The following NUMB variants were observed in gnomAD, a reference collection of about 807,000 sequenced individuals.
NUMB encodes NUMB endocytic adaptor protein.
Under a neutral mutation model 59.7 loss-of-function variants are expected in NUMB, and 29 were observed. The observed-to-expected ratio is 0.49, with a 90% CI of 0.36 to 0.66. NUMB has a LOEUF of 0.66. NUMB is among the 30% of genes least tolerant of loss of function. NUMB has a pLI of 0.00. For missense variants in NUMB, 723 were observed against 822.0 expected, an observed-to-expected ratio of 0.88 and a Z score of 1.47; for synonymous variants, 288 against 288.2, an observed-to-expected ratio of 1.00 and a Z score of 0.01.
intron 1 of NUMB, among the ~76,000 whole-genome samples, chr14:73,449,317 T>TC (rs1045996647): frequency 1.3e-5 from 2 of 152,172 alleles, no homozygotes; most frequent in East Asian, 1.9e-4. Flanking sequence ...CTGGAATCAA[T>TC]CCCCCACTGA....
intron 3 of NUMB, among the ~76,000 whole-genome samples, chr14:73,366,190 C>T (rs1894335092): frequency 6.6e-6 from 1 of 152,154 alleles, no homozygotes; most frequent in African/African-American, 2.4e-5. Context: ...TCTAGTGGTC[C>T]TATGTATGGC....
intron 2 of NUMB, among the ~76,000 whole-genome samples, chr14:73,376,429 G>A (rs1020726482): frequency 2.0e-5 from 3 of 151,664 alleles, no homozygotes; most frequent in Admixed American, 2.0e-4. Flanking sequence ...TCATGAATAG[G>A]CAGACTCAAT....
At chr14:73,297,462 GA>G in intron 6 of NUMB, 177 bp from the exon 7 acceptor site, 3 of 472,816 alleles carry the variant, frequency 6.3e-6, no homozygotes, top group South Asian at 3.7e-5. Flanking sequence ...AAACATTCAG[GA>G]AAAAACAAGC....
At chr14:73,307,818 C>T (rs909817789) in intron 6 of NUMB, among the ~76,000 whole-genome samples, 11 of 149,378 alleles carry the variant, frequency 7.4e-5, no homozygotes, top group African/African-American at 2.2e-4. Flanking sequence ...CTGCAAGCTC[C>T]GCCTCCCGGG....
chr14:73,398,390 CACAGAGAG>C (rs1235740690), intron 2 of NUMB, among the ~76,000 whole-genome samples: 10 of 118,132 alleles, frequency 8.5e-5, no homozygotes, highest in South Asian at 5.2e-4. Flanking sequence ...GAGAGACACA[CACAGAGAG>C]AGAGAGAGAG....
intron 6 of NUMB, among the ~76,000 whole-genome samples, chr14:73,310,056 T>C (rs1305097764): frequency 6.6e-6 from 1 of 152,152 alleles, no homozygotes; most frequent in African/African-American, 2.4e-5. Flanking sequence ...AGAACAGATA[T>C]TATAATATTT....
At chr14:73,291,761 G>A (rs1370026213) in intron 8 of NUMB, among the ~76,000 whole-genome samples, 2 of 150,786 alleles carry the variant, frequency 1.3e-5, no homozygotes, top group South Asian at 2.1e-4. Flanking sequence ...TCAGCTCACT[G>A]CAACCTCTAC....
chr14:73,331,606 C>T (rs1339611918), intron 4 of NUMB, among the ~76,000 whole-genome samples: 1 of 152,120 alleles, frequency 6.6e-6, no homozygotes. Flanking sequence ...TCTGTGTTCC[C>T]ACCCAAATCT....
intron 4 of NUMB, among the ~76,000 whole-genome samples, chr14:73,333,037 T>C (rs1192071463): frequency 6.6e-6 from 1 of 152,222 alleles, no homozygotes; most frequent in Non-Finnish European, 1.5e-5. Context: ...TGGTGAATAG[T>C]AGTGCTATAA....
At chr14:73,445,353 TCAAAAAAAAAAAAAAAAAAAAAAAA>T (rs1883398885) in intron 1 of NUMB, among the ~76,000 whole-genome samples, 1 of 26,042 alleles carries the variant, frequency 3.8e-5, no homozygotes, top group African/African-American at 1.7e-4. Context: ...AGACCCTGTC[TCAAAAAAAAAAAAAAAAAAAAAAAA>T]AAAAAAAAAA....
chr14:73,450,154 T>C (rs1049270014), intron 1 of NUMB, among the ~76,000 whole-genome samples: 2 of 152,248 alleles, frequency 1.3e-5, no homozygotes, highest in African/African-American at 4.8e-5. Context: ...GTGCCCACTA[T>C]GGGCAAAATG....
At chr14:73,389,309 TG>T in intron 2 of NUMB, among the ~76,000 whole-genome samples, 1 of 125,296 alleles carries the variant, frequency 8.0e-6, no homozygotes. Context: ...ACAAAAACAC[TG>T]GTCTCTGTTT....
chr14:73,360,100 G>A (rs1488251012), intron 3 of NUMB, among the ~76,000 whole-genome samples: 1 of 152,156 alleles, frequency 6.6e-6, no homozygotes, highest in African/African-American at 2.4e-5. Flanking sequence ...ATGGATCATG[G>A]CATTGCTTAA....
chr14:73,395,596 G>A (rs974311187), intron 2 of NUMB, among the ~76,000 whole-genome samples: 4 of 152,066 alleles, frequency 2.6e-5, no homozygotes, highest in African/African-American at 7.2e-5. Context: ...ACTCCAGCCT[G>A]GGTGGCAGAG....
At chr14:73,411,232 T>C (rs1169620688) in intron 1 of NUMB, among the ~76,000 whole-genome samples, 1 of 125,300 alleles carries the variant, frequency 8.0e-6, no homozygotes, top group Non-Finnish European at 1.7e-5. Flanking sequence ...GGGGTGGGGG[T>C]GGGTACAGAT....
chr14:73,435,870 G>A (rs1898031705), intron 1 of NUMB, among the ~76,000 whole-genome samples: 2 of 151,916 alleles, frequency 1.3e-5, no homozygotes, highest in Admixed American at 1.3e-4. Context: ...AGCAGGGCAT[G>A]GTAGTGCACG....
intron 1 of NUMB, among the ~76,000 whole-genome samples, chr14:73,443,680 T>G (rs771161502): frequency 1.4e-4 from 22 of 151,960 alleles, no homozygotes; most frequent in Non-Finnish European, 2.9e-4. Flanking sequence ...AGCTGGAGTC[T>G]TGCTCTGTCT....
intron 4 of NUMB, among the ~76,000 whole-genome samples, chr14:73,351,269 C>G (rs951411314): frequency 4.6e-5 from 7 of 151,964 alleles, no homozygotes; most frequent in African/African-American, 1.7e-4. Flanking sequence ...GTCAAGAGAT[C>G]GAGACAATCC....
Position 73,277,201 on chromosome 14 carries a change from C to T in NUMB, c.1333G>A (p.Glu445Lys). The change falls in exon 13 of 13, where the codon GAA (glutamate) becomes AAA (lysine). Residue 445 changes from glutamate to lysine, a missense_variant. By Grantham distance (56) the Glu-to-Lys change is moderately conservative. Coordinates refer to ENST00000555238, the MANE Select transcript of NUMB (RefSeq NM_001005743.2). ...GCCCGGACGCTCTTAGACACCTCTT[C>T]TAACCATCGGTCGGCCTCAGAGGGA... ...RTPSEADRWL[E>K]EVSKSVRAQQ... is the part of the protein sequence containing the mutation. 1 of 1,614,098 alleles carries T rather than the reference C, an allele frequency of 6.2e-7. No homozygotes were observed. Among genetic ancestry groups the T allele is most frequent in the Admixed American group, 1.7e-5 (1 of 60,020 alleles).
Sources: allele counts gnomAD v4.1 joint callset (sites outside exome capture counted in the v4.1 genomes callset), GRCh38; gene constraint gnomAD v4.1.1; transcripts MANE v1.5; gene names NCBI Gene and HGNC (gene_info 2026-07-23, HGNC 2026-07-21).